Variants in HLA-DRB5 observed in about 807,000 individuals in gnomAD.
HLA-DRB5 encodes the protein DR beta-5.
HLA-DRB5 carries 11 observed loss-of-function variants against 22.4 expected under a neutral mutation model. The ratio of observed to expected loss-of-function variants is 0.49; its 90% CI spans 0.31 to 0.81. The LOEUF (loss-of-function observed/expected upper bound fraction) is 0.81. Among genes scored for constraint, HLA-DRB5 ranks in the 40% least tolerant of loss-of-function variants. The probability of loss-of-function intolerance (pLI) is 0.05; values close to 1 mark genes in which losing one functional copy is unlikely to be tolerated. For missense variants in HLA-DRB5, 106 were observed against 274.4 expected (o/e 0.39, Z 4.34); for synonymous variants, 57 against 106.0 (o/e 0.54, Z 2.84).
At chr6:32,522,199 C>T (rs200665818) in intron 1 of HLA-DRB5, 25 bp from the exon 2 acceptor site, 47,304 of 676,090 alleles carry the variant, frequency 0.07, 9,492 homozygotes, top group Admixed American at 0.18. Flanking sequence ...AGGATCCGGT[C>T]ACAGGGGCGG....
intron 1 of HLA-DRB5, among the ~76,000 whole-genome samples, chr6:32,523,805 A>C (rs73726188): frequency 0.52 from 41,270 of 80,046 alleles, 14,098 homozygotes; most frequent in Middle Eastern, 0.71. Context: ...GAGTGTATAA[A>C]AGATGTGAGT....
At chr6:32,524,402 T>C (rs17204294) in intron 1 of HLA-DRB5, among the ~76,000 whole-genome samples, 1 of 115,552 alleles carries the variant, frequency 8.7e-6, no homozygotes, top group Non-Finnish European at 1.8e-5. Context: ...TATTCCCATT[T>C]AATGCCCCAA....
intron 1 of HLA-DRB5, among the ~76,000 whole-genome samples, chr6:32,529,616 G>A (rs111257537): frequency 7.8e-5 from 9 of 115,518 alleles, no homozygotes; most frequent in African/African-American, 1.5e-4. Flanking sequence ...AGTTCAGAAA[G>A]AAAAGAAAGG....
chr6:32,529,996 ATG>A (rs1562457948), intron 1 of HLA-DRB5, 127 bp downstream of exon 1: 338 of 517,180 alleles, frequency 6.5e-4, no homozygotes, highest in South Asian at 1.3e-3. Flanking sequence ...TTGGGATCCC[ATG>A]ATAAAGATGG....
Position 32,525,808 on chromosome 6 carries a change from A to G in HLA-DRB5, c.101-3634T>C, listed in dbSNP as rs201935576. Reference sequence around the variant, plus strand: ...GTCACTGCAAAATGTTACATGGCATATACTGATGGAGACCAGATTCATTTT... The same window carrying G: ...GTCACTGCAAAATGTTACATGGCATGTACTGATGGAGACCAGATTCATTTT... On this transcript the variant is annotated intron_variant, in intron 1 of 5. Coordinates refer to ENST00000374975, the MANE Select transcript of HLA-DRB5 (RefSeq NM_002125.4). Among the ~76,000 whole-genome samples, 24 of 110,494 alleles carry G rather than the reference A, an allele frequency of 2.2e-4. 1 individual carries two copies. Among genetic ancestry groups the G allele is most frequent in the African/African-American group, 8.8e-4 (24 of 27,416 alleles). 72.5% of individuals were successfully genotyped at this position (110,494 alleles called of 152,430 possible). A position where few individuals can be genotyped will look rare whatever the true frequency, so the allele number is the denominator to read the frequency against.
chr6:32,528,164 T>A (rs1171617973), intron 1 of HLA-DRB5, among the ~76,000 whole-genome samples: 7 of 75,522 alleles, frequency 9.3e-5, no homozygotes, highest in African/African-American at 2.9e-4. Context: ...CAGCTGGATG[T>A]CACTTTCTCA....
chr6:32,521,415 T>C lies in HLA-DRB5; in HGVS notation c.370+490A>G, dbSNP rs1768849160. Among the ~76,000 whole-genome samples the C allele has an allele frequency of 2.1e-5, 2 of 93,128 alleles. 1 individual carries two copies. Among genetic ancestry groups the C allele is most frequent in the African/African-American group, 7.2e-5 (2 of 27,802 alleles). The allele number at this position is 93,128 out of a possible 152,430, so 61.1% of individuals were successfully genotyped here. On this transcript the variant is annotated intron_variant, in intron 2 of 5. Transcript: ENST00000374975. Reference sequence around the variant, plus strand: ...GCAAACAAACACCACACACTTTTATTTCAGAGACTGCGTGAAGGGTGGGTG... The same window carrying C: ...GCAAACAAACACCACACACTTTTATCTCAGAGACTGCGTGAAGGGTGGGTG...
At chr6:32,529,101 C>T (rs796163069) in intron 1 of HLA-DRB5, among the ~76,000 whole-genome samples, 8,032 of 106,074 alleles carry the variant, frequency 0.076, 100 homozygotes, top group Non-Finnish European at 0.088. Flanking sequence ...AAGCTGAGGG[C>T]ATGACGGGTG....
At chr6:32,524,018 A>C (rs192280621) in intron 1 of HLA-DRB5, among the ~76,000 whole-genome samples, 2,973 of 39,108 alleles carry the variant, frequency 0.076, 226 homozygotes, top group East Asian at 0.098. Context: ...CATTGCCACA[A>C]GTTCCCCAAG....
chr6:32,520,660 G>T (rs112475079), intron 2 of HLA-DRB5, among the ~76,000 whole-genome samples: 27,000 of 63,566 alleles, frequency 0.42, 9,443 homozygotes, highest in Middle Eastern at 0.53. Context: ...AACACTAGCA[G>T]ACTCTCAATA....
chr6:32,521,255 A>T (rs114875775), intron 2 of HLA-DRB5, among the ~76,000 whole-genome samples: 1,168 of 62,810 alleles, frequency 0.019, no homozygotes, highest in Middle Eastern at 0.091. Flanking sequence ...TTAGTTTCAC[A>T]GTCATTTCAA....
At position 32,521,978 on chromosome 6, in the gene HLA-DRB5, GTCTT is replaced by G. The variant is rs1768967057; in HGVS notation, c.293_296del (p.Glu98AlafsTer30). 1 of 573,414 alleles carries G rather than the reference GTCTT, an allele frequency of 1.7e-6. No individual in the cohort carries two copies. The allele number at this position is 573,414 out of a possible 1,614,324, so 35.5% of individuals were successfully genotyped here. A position where few individuals can be genotyped will look rare whatever the true frequency, so the allele number is the denominator to read the frequency against. On this transcript the variant is annotated frameshift_variant, in exon 2 of 6. Coordinates refer to ENST00000374975, the MANE Select transcript of HLA-DRB5 (RefSeq NM_002125.4). LOFTEE classifies it high-confidence loss of function. Reference sequence around the variant, plus strand: ...AGTAGGTGTCCACCGCGGCGCGCCTGTCTTCCAGGAAGTCCTTCTGGCTGTTCCA... The same window carrying G: ...AGTAGGTGTCCACCGCGGCGCGCCTGCCAGGAAGTCCTTCTGGCTGTTCCA...
intron 1 of HLA-DRB5, among the ~76,000 whole-genome samples, chr6:32,524,414 T>A (rs186515074): frequency 5.0e-5 from 6 of 120,606 alleles, no homozygotes; most frequent in Middle Eastern, 4.5e-3. Flanking sequence ...ATGCCCCAAC[T>A]AACTCACGTC....
chr6:32,524,765 C>A (rs74870936), intron 1 of HLA-DRB5, among the ~76,000 whole-genome samples: 5,341 of 71,758 alleles, frequency 0.074, 28 homozygotes, highest in East Asian at 0.16. Context: ...GCTTGCATGG[C>A]TAGCACTGTA....
At chr6:32,517,874 C>A (rs113564685) in intron 5 of HLA-DRB5, 122 bp from the exon 6 acceptor site, 8,911 of 267,770 alleles carry the variant, frequency 0.033, 1,340 homozygotes, top group Admixed American at 0.07. Flanking sequence ...CTAAGTCTCC[C>A]TGAACCAATA....
chr6:32,520,601 CAG>C (rs1768721771), intron 2 of HLA-DRB5, among the ~76,000 whole-genome samples: 1 of 43,070 alleles, frequency 2.3e-5, no homozygotes, highest in African/African-American at 7.9e-5. Flanking sequence ...TCAAGGCAGG[CAG>C]GGTCTGGGAC....
chr6:32,525,650 C>T (rs113701066), intron 1 of HLA-DRB5, among the ~76,000 whole-genome samples: 38,725 of 56,346 alleles, frequency 0.69, 15,553 homozygotes, highest in Middle Eastern at 0.82. Context: ...TTTCTAGCAC[C>T]AAATTTGTGA....
At chr6:32,524,367 T>C (rs374924185) in intron 1 of HLA-DRB5, among the ~76,000 whole-genome samples, 647 of 120,034 alleles carry the variant, frequency 5.4e-3, no homozygotes, top group East Asian at 0.038. Flanking sequence ...TTATCTGTAG[T>C]AGTGAATCAC....
intron 1 of HLA-DRB5, among the ~76,000 whole-genome samples, chr6:32,529,314 G>A (rs1294714108): frequency 0.24 from 10,379 of 43,126 alleles, 2,627 homozygotes; most frequent in Middle Eastern, 0.44. Flanking sequence ...TTTGTCCTAT[G>A]TTAGTTGAAT....
Sources: allele counts gnomAD v4.1 joint callset (sites outside exome capture counted in the v4.1 genomes callset), GRCh38; gene constraint gnomAD v4.1.1; transcripts MANE v1.5; gene names NCBI Gene and HGNC (gene_info 2026-07-23, HGNC 2026-07-21).